The following YAE1 variants were observed in gnomAD, a reference collection of about 807,000 sequenced individuals.
YAE1 encodes the protein YAE1 maturation factor of ABCE1, also known as protein YAE1 homolog.
A neutral mutation model predicts 23.0 loss-of-function variants in YAE1; 22 were observed. The ratio of observed to expected loss-of-function variants is 0.96; its 90% CI spans 0.68 to 1.37. YAE1 has a LOEUF of 1.37. YAE1 is among the 40% of genes most tolerant of loss of function. The probability of loss-of-function intolerance (pLI) is 0.00; values close to 1 mark genes in which losing one functional copy is unlikely to be tolerated. For missense variants in YAE1, 260 were observed against 262.1 expected (o/e 0.99, Z 0.06); for synonymous variants, 101 against 97.0 (o/e 1.04, Z -0.24).
At chr7:39,605,264 G>A (rs1043131770) in intron 2 of YAE1, among the ~76,000 whole-genome samples, 2 of 152,146 alleles carry the variant, frequency 1.3e-5, no homozygotes, top group South Asian at 4.1e-4. Flanking sequence ...AGCTGTGATG[G>A]TTAATTTTAT....
At chr7:39,603,966 A>G (rs528909436) in intron 2 of YAE1, among the ~76,000 whole-genome samples, 107 of 152,354 alleles carry the variant, frequency 7.0e-4, no homozygotes, top group African/African-American at 2.4e-3. Flanking sequence ...GGCAGAATCT[A>G]TCAATTAAGA....
chr7:39,582,001 T>C (rs62453607), intron 2 of YAE1, among the ~76,000 whole-genome samples: 97,105 of 151,850 alleles, frequency 0.64, 31,427 homozygotes, highest in African/African-American at 0.73. Context: ...AATTACAGCT[T>C]ATGGCAGCCT....
intron 2 of YAE1, among the ~76,000 whole-genome samples, chr7:39,604,229 T>A (rs1791096317): frequency 6.6e-6 from 1 of 152,164 alleles, no homozygotes; most frequent in African/African-American, 2.4e-5. Flanking sequence ...TTTATTAACA[T>A]CTCCTTTTGA....
At chr7:39,604,422 G>C (rs1436911003) in intron 2 of YAE1, among the ~76,000 whole-genome samples, 1 of 152,142 alleles carries the variant, frequency 6.6e-6, no homozygotes, top group Non-Finnish European at 1.5e-5. Flanking sequence ...CTTTACCTGA[G>C]TCACAAGGGG....
intron 2 of YAE1, chr7:39,609,590 T>A: frequency 6.6e-7 from 1 of 1,523,826 alleles, no homozygotes; most frequent in Non-Finnish European, 8.8e-7. Flanking sequence ...GCCAAATCTC[T>A]GTCTATCCAA....
chr7:39,603,059 A>C (rs1263598291), intron 2 of YAE1, among the ~76,000 whole-genome samples: 1 of 152,146 alleles, frequency 6.6e-6, no homozygotes, highest in Non-Finnish European at 1.5e-5. Context: ...TAAATTTCAA[A>C]GTTTCTGCCA....
Position 39,592,118 on chromosome 7 carries a change from A to C in YAE1, c.252-17499A>C, listed in dbSNP as rs80112328. Among the ~76,000 whole-genome samples, 956 of 152,332 alleles carry C rather than the reference A, an allele frequency of 6.3e-3. 9 individuals are homozygous for C. Among genetic ancestry groups the C allele is most frequent in the African/African-American group, 0.022 (916 of 41,562 alleles). On this transcript the variant is annotated intron_variant, in intron 2 of 2. Coordinates refer to the YAE1 transcript ENST00000432096. The stretch of plus-strand genomic sequence containing the variant: ...TCTTGGTTTCTTCCAGTTTTCAGCA[A>C]TTATGAGTAAAGCTGCAATAAACAT...
chr7:39,608,152 C>T (rs143262064), intron 2 of YAE1, among the ~76,000 whole-genome samples: 24 of 152,272 alleles, frequency 1.6e-4, no homozygotes, highest in Non-Finnish European at 3.1e-4. Flanking sequence ...AACAAAGGTG[C>T]CATTGTTATA....
At chr7:39,604,424 C>G (rs986319735) in intron 2 of YAE1, among the ~76,000 whole-genome samples, 17 of 152,136 alleles carry the variant, frequency 1.1e-4, no homozygotes, top group Non-Finnish European at 2.4e-4. Context: ...TTACCTGAGT[C>G]ACAAGGGGGA....
At chr7:39,606,841 G>A (rs144153845) in intron 2 of YAE1, among the ~76,000 whole-genome samples, 1 of 152,266 alleles carries the variant, frequency 6.6e-6, no homozygotes, top group East Asian at 1.9e-4. Flanking sequence ...TTTGTAAACT[G>A]TATTGAGCTT....
In YAE1 at chr7:39,594,662, G is replaced by A. The variant is rs138799086; in HGVS notation, c.252-14955G>A. Reference sequence around the variant, plus strand: ...GTTGCCCAGGCTGGAGTACAATGGCGTGACCTTGGTTCACTGAAACCTCCT... The same window carrying A: ...GTTGCCCAGGCTGGAGTACAATGGCATGACCTTGGTTCACTGAAACCTCCT... On this transcript the variant is annotated intron_variant, in intron 2 of 2. Coordinates refer to the YAE1 transcript ENST00000432096. Among the ~76,000 whole-genome samples, 183 of 151,638 alleles carry A rather than the reference G, an allele frequency of 1.2e-3. 5 individuals are homozygous for A. The East Asian group carries it at 0.019, about 16-fold the overall frequency.
chr7:39,599,326 G>A (rs184755551), intron 2 of YAE1, among the ~76,000 whole-genome samples: 230 of 152,282 alleles, frequency 1.5e-3, no homozygotes, highest in African/African-American at 5.3e-3. Context: ...ATTCGTAAAT[G>A]AGGTGATAAT....
At chr7:39,583,969 C>T (rs1163836153) in intron 2 of YAE1, among the ~76,000 whole-genome samples, 1 of 152,106 alleles carries the variant, frequency 6.6e-6, no homozygotes, top group African/African-American at 2.4e-5. Flanking sequence ...TGTATTTTCT[C>T]CTGAACATCA....
chr7:39,569,167 G>A (rs1790524949), intron 1 of YAE1, among the ~76,000 whole-genome samples: 1 of 152,060 alleles, frequency 6.6e-6, no homozygotes, highest in Non-Finnish European at 1.5e-5. Flanking sequence ...TCAAAAATTA[G>A]AGAACTAGTT....
intron 2 of YAE1, among the ~76,000 whole-genome samples, chr7:39,579,883 A>G (rs993574817): frequency 6.6e-6 from 1 of 152,048 alleles, no homozygotes; most frequent in South Asian, 2.1e-4. Context: ...GCCTGTCACT[A>G]CCAAAATAAT....
intron 2 of YAE1, among the ~76,000 whole-genome samples, chr7:39,598,800 G>A (rs1364303602): frequency 2.1e-5 from 3 of 146,208 alleles, no homozygotes; most frequent in African/African-American, 5.1e-5. Context: ...AAAAAAAAAA[G>A]AAGAAGAAGA....
rs1469451225 is a variant in YAE1, at chr7:39,572,774, A to G, written c.*68A>G. The G allele has an allele frequency of 8.6e-6, 13 of 1,507,240 alleles. No individual in the cohort carries two copies. The highest frequency in any genetic ancestry group is 4.7e-5 in the Admixed American group (2 of 42,470). The allele number at this position is 1,507,240 out of a possible 1,614,324, so 93.4% of individuals were successfully genotyped here. On this transcript the variant is annotated 3_prime_UTR_variant, in exon 3 of 3. Coordinates refer to ENST00000223273, the MANE Select transcript of YAE1 (RefSeq NM_020192.5). ...TGGTTTCCTAACAATCGAAATTTGT[A>G]CTGGTTTCTGCATCAAACACCTCAA...
intron 2 of YAE1, among the ~76,000 whole-genome samples, chr7:39,609,375 G>A (rs918281138): frequency 7.2e-5 from 11 of 152,222 alleles, no homozygotes; most frequent in Non-Finnish European, 1.6e-4. Flanking sequence ...TCTCTATTAA[G>A]CTGTGCAGTG....
At chr7:39,571,203 A>G (rs1583668313) in intron 2 of YAE1, among the ~76,000 whole-genome samples, 2 of 152,070 alleles carry the variant, frequency 1.3e-5, no homozygotes, top group African/African-American at 4.8e-5. Context: ...AATATGGCCC[A>G]ACACAAATTC....
Sources: gnomAD v4.1 joint callset for allele counts (sites outside exome capture counted in the v4.1 genomes callset) on GRCh38, gnomAD v4.1.1 for gene constraint, MANE v1.5 for transcripts, NCBI Gene and HGNC (gene_info 2026-07-23, HGNC 2026-07-21) for gene names.